The following TAF4B variants were observed in gnomAD, a reference collection of about 807,000 sequenced individuals.
The protein encoded by TAF4B is TATA-box binding protein associated factor 4b, also known as transcription initiation factor TFIID subunit 4B.
TAF4B carries 38 observed loss-of-function variants against 86.4 expected under a neutral mutation model. The observed-to-expected ratio is 0.44, with a 90% CI of 0.34 to 0.58. The LOEUF (loss-of-function observed/expected upper bound fraction) is 0.58, where lower values mean the gene tolerates loss of function less well. Among genes scored for constraint, TAF4B ranks in the 20% least tolerant of loss-of-function variants. The probability of loss-of-function intolerance (pLI) is 0.02; values close to 1 mark genes in which losing one functional copy is unlikely to be tolerated. For synonymous variants in TAF4B, 388 were observed against 391.2 expected (o/e 0.99, Z 0.10); for missense variants, 988 against 1,027.6 (o/e 0.96, Z 0.53).
chr18:26,276,078 A>G (rs1056912834), intron 5 of TAF4B, among the ~76,000 whole-genome samples: 2 of 152,030 alleles, frequency 1.3e-5, no homozygotes, highest in African/African-American at 4.8e-5. Context: ...AAGCCAGGCT[A>G]TCAATAGATA....
intron 6 of TAF4B, among the ~76,000 whole-genome samples, chr18:26,285,210 C>CTTTTTTTTTTTTTTTTTTTTTTTTTTTTT (rs113394710): frequency 1.9e-4 from 8 of 42,502 alleles, no homozygotes; most frequent in East Asian, 9.7e-4. Context: ...TCTTCCTTTC[C>CTTTTTTTTTTTTTTTTTTTTTTTTTTTTT]TTTTTTTTTT....
At chr18:26,377,335 G>T (rs1164238366) in intron 14 of TAF4B, among the ~76,000 whole-genome samples, 8 of 152,116 alleles carry the variant, frequency 5.3e-5, no homozygotes, top group Admixed American at 3.9e-4. Context: ...TATTGATTAC[G>T]ATTCAATCTC....
intron 11 of TAF4B, 58 bp from the exon 12 acceptor site, chr18:26,326,957 A>C: frequency 6.4e-7 from 1 of 1,574,762 alleles, no homozygotes; most frequent in East Asian, 2.2e-5. Context: ...ACAATACCTA[A>C]TGTAGAATGT....
intron 5 of TAF4B, among the ~76,000 whole-genome samples, chr18:26,280,565 C>G (rs904715563): frequency 6.6e-6 from 1 of 152,142 alleles, no homozygotes; most frequent in Non-Finnish European, 1.5e-5. Context: ...CTCATCATCA[C>G]TAATCATCAG....
At chr18:26,274,163 T>G (rs1341113782) in intron 3 of TAF4B, among the ~76,000 whole-genome samples, 3 of 152,222 alleles carry the variant, frequency 2.0e-5, no homozygotes, top group Non-Finnish European at 4.4e-5. Flanking sequence ...CGTTTTATAA[T>G]ATTCTTCATG....
chr18:26,304,909 C>T (rs1408946671), intron 9 of TAF4B: 2 of 983,518 alleles, frequency 2.0e-6, no homozygotes, highest in Non-Finnish European at 2.4e-6. Flanking sequence ...ATTACTTTCG[C>T]CCATTTATCT....
chr18:26,330,681 A>G (rs1372827968), intron 12 of TAF4B, among the ~76,000 whole-genome samples: 1 of 152,192 alleles, frequency 6.6e-6, no homozygotes, highest in Admixed American at 6.5e-5. Flanking sequence ...CTGTGTATAT[A>G]TTATAAAACC....
intron 7 of TAF4B, among the ~76,000 whole-genome samples, chr18:26,291,229 A>G (rs1598764773): frequency 6.6e-6 from 1 of 152,114 alleles, no homozygotes; most frequent in East Asian, 1.9e-4. Flanking sequence ...TAGCTGGCTC[A>G]AATACATGAT....
intron 1 of TAF4B, among the ~76,000 whole-genome samples, chr18:26,262,845 TG>T (rs1311501889): frequency 3.3e-5 from 5 of 152,202 alleles, no homozygotes; most frequent in African/African-American, 1.2e-4. Flanking sequence ...CCTATTTTAC[TG>T]GGGAACAGAG....
At chr18:26,233,781 A>T (rs1293783931) in intron 1 of TAF4B, among the ~76,000 whole-genome samples, 1 of 152,202 alleles carries the variant, frequency 6.6e-6, no homozygotes, top group Non-Finnish European at 1.5e-5. Context: ...CAGACCAACA[A>T]GTATTGAAAT....
intron 9 of TAF4B, among the ~76,000 whole-genome samples, chr18:26,294,615 AAAC>A (rs746940258): frequency 2.0e-5 from 3 of 146,746 alleles, no homozygotes; most frequent in Non-Finnish European, 3.0e-5. Flanking sequence ...ACAAATATAT[AAAC>A]AAACATATAA....
chr18:26,310,288 A>G (rs563594534), intron 9 of TAF4B, among the ~76,000 whole-genome samples: 183 of 152,330 alleles, frequency 1.2e-3, no homozygotes, highest in African/African-American at 4.1e-3. Context: ...GGTCTCCATC[A>G]TAGGCCTACC....
At chr18:26,238,181 A>T (rs574604903) in intron 1 of TAF4B, among the ~76,000 whole-genome samples, 1 of 152,244 alleles carries the variant, frequency 6.6e-6, no homozygotes, top group South Asian at 2.1e-4. Context: ...GGCCTTATTG[A>T]CACATTTTCG....
intron 14 of TAF4B, among the ~76,000 whole-genome samples, chr18:26,374,212 C>T (rs2057426999): frequency 6.6e-6 from 1 of 151,930 alleles, no homozygotes; most frequent in African/African-American, 2.4e-5. Flanking sequence ...GTATTTTTTT[C>T]TTCATATCAC....
At chr18:26,349,888 G>A (rs150693520) in intron 13 of TAF4B, among the ~76,000 whole-genome samples, 3 of 152,260 alleles carry the variant, frequency 2.0e-5, no homozygotes, top group East Asian at 1.9e-4. Context: ...ACAGAATAGG[G>A]AATCCAGAAG....
chr18:26,352,634 A>G (rs924046846), intron 13 of TAF4B, among the ~76,000 whole-genome samples: 5 of 152,112 alleles, frequency 3.3e-5, no homozygotes, highest in African/African-American at 1.2e-4. Context: ...GACTCATGGG[A>G]TCTTACCCCC....
chr18:26,291,400 G>T (rs1343620496), intron 7 of TAF4B, among the ~76,000 whole-genome samples: 2 of 151,956 alleles, frequency 1.3e-5, no homozygotes, highest in East Asian at 3.9e-4. Context: ...GGGCGTGGTG[G>T]CTCACGCCCT....
At chr18:26,323,077 C>G (rs535434106) in intron 11 of TAF4B, among the ~76,000 whole-genome samples, 1 of 151,980 alleles carries the variant, frequency 6.6e-6, no homozygotes, top group Non-Finnish European at 1.5e-5. Flanking sequence ...AGCTGTATTC[C>G]GTTGTGGTCA....
chr18:26,346,907 G>GTGTATATATATA (rs1171773933), intron 13 of TAF4B, among the ~76,000 whole-genome samples: 1 of 11,220 alleles, frequency 8.9e-5, no homozygotes, highest in African/African-American at 1.8e-4. Context: ...ATATGTGTGT[G>GTGTATATATATA]TATATATATA....
Sources: gnomAD v4.1 joint callset for allele counts (sites outside exome capture counted in the v4.1 genomes callset) on GRCh38, gnomAD v4.1.1 for gene constraint, MANE v1.5 for transcripts, NCBI Gene and HGNC (gene_info 2026-07-23, HGNC 2026-07-21) for gene names.